Variants in DEPDC5 observed in about 807,000 individuals in gnomAD.
DEPDC5 encodes the protein DEP domain containing 5, GATOR1 subcomplex subunit, also known as GATOR1 complex protein DEPDC5.
In DEPDC5, 73 loss-of-function variants were observed where a neutral mutation model predicts 217.3. That is an observed-to-expected ratio of 0.34 (90% CI 0.28 to 0.41). The LOEUF (loss-of-function observed/expected upper bound fraction) is 0.41, where lower values mean the gene tolerates loss of function less well. DEPDC5 is among the 10% of genes least tolerant of loss of function. DEPDC5 has a pLI of 1.00. For missense variants in DEPDC5, 1,675 were observed against 2,070.1 expected (o/e 0.81, Z 3.70); for synonymous variants, 733 against 756.7 (o/e 0.97, Z 0.51).
At chr22:31,790,581 T>C (rs1482417518) in intron 10 of DEPDC5, among the ~76,000 whole-genome samples, 3 of 152,130 alleles carry the variant, frequency 2.0e-5, no homozygotes, top group African/African-American at 4.8e-5. Flanking sequence ...TCCACCACCA[T>C]GGGTGCTGTT....
At chr22:31,813,393 A>C (rs2088667517) in intron 20 of DEPDC5, among the ~76,000 whole-genome samples, 1 of 152,208 alleles carries the variant, frequency 6.6e-6, no homozygotes, top group South Asian at 2.1e-4. Context: ...AATTGGTGCT[A>C]CCTTCACACA....
intron 23 of DEPDC5, among the ~76,000 whole-genome samples, chr22:31,821,982 A>G (rs1163303317): frequency 6.6e-6 from 1 of 152,240 alleles, no homozygotes; most frequent in African/African-American, 2.4e-5. Flanking sequence ...CAGGAGATTC[A>G]TGCTGTGTGT....
chr22:31,862,275 T>A (rs540322930), intron 33 of DEPDC5, among the ~76,000 whole-genome samples: 2 of 150,988 alleles, frequency 1.3e-5, no homozygotes, highest in Non-Finnish European at 3.0e-5. Context: ...AATAAAAGAT[T>A]TGGACGAGGC....
chr22:31,818,516 T>A (rs764785959), intron 21 of DEPDC5, among the ~76,000 whole-genome samples: 17 of 152,216 alleles, frequency 1.1e-4, no homozygotes, highest in Admixed American at 9.8e-4. Flanking sequence ...TGGCCAGAAC[T>A]AAGTCATTTG....
At position 31,893,735 on chromosome 22, in the gene DEPDC5, C is replaced by T; in HGVS notation, c.4187C>T (p.Ala1396Val). 6.2e-7 allele frequency: 1 copy of T among 1,607,556 alleles called. No homozygotes were observed. ...IKLHWMAVTA[A>V]VLFEMVQGWH... is the part of the protein sequence containing the mutation. ...CTGCACTGGATGGCGGTGACCGCAG[C>T]AGTACTCTTCGAGATGGTGAGAACC... is the stretch of plus-strand genomic sequence containing the variant. Residue 1396 changes from alanine to valine, a missense_variant, in exon 39 of 43, where the codon GCA (alanine) becomes GTA (valine). Around this residue, in one of 11 missense-constraint regions of DEPDC5, gnomAD observed 182 missense variants for 290.1 expected, o/e 0.63. Coordinates refer to ENST00000651528, the MANE Select transcript of DEPDC5 (RefSeq NM_001242896.3).
At chr22:31,790,211 AC>A (rs2085457783) in intron 10 of DEPDC5, among the ~76,000 whole-genome samples, 1 of 152,162 alleles carries the variant, frequency 6.6e-6, no homozygotes, top group African/African-American at 2.4e-5. Context: ...CACTTGAGAT[AC>A]ATCCATGAAA....
At chr22:31,905,501 TC>T (rs1259878807) in intron 41 of DEPDC5, among the ~76,000 whole-genome samples, 1 of 151,308 alleles carries the variant, frequency 6.6e-6, no homozygotes, top group African/African-American at 2.4e-5. Context: ...ATAAGGACCT[TC>T]CCTGGAGGAA....
intron 7 of DEPDC5, among the ~76,000 whole-genome samples, chr22:31,770,791 C>CTTTTTTT (rs1156973076): frequency 1.7e-5 from 2 of 120,122 alleles, no homozygotes; most frequent in African/African-American, 3.2e-5. Context: ...ATCTACTTTT[C>CTTTTTTT]TTTTTTTTTT....
chr22:31,798,294 C>A (rs1054152159), intron 13 of DEPDC5, among the ~76,000 whole-genome samples: 2 of 152,070 alleles, frequency 1.3e-5, no homozygotes, highest in Non-Finnish European at 2.9e-5. Flanking sequence ...ACAAGGCAGG[C>A]GGATCACGAG....
intron 34 of DEPDC5, among the ~76,000 whole-genome samples, chr22:31,871,909 C>T (rs1359502575): frequency 6.6e-6 from 1 of 152,202 alleles, no homozygotes; most frequent in African/African-American, 2.4e-5. Flanking sequence ...AAGATGTTCA[C>T]ACAGATAGGA....
chr22:31,863,624 A>G (rs1284915079), intron 33 of DEPDC5, among the ~76,000 whole-genome samples: 1 of 152,232 alleles, frequency 6.6e-6, no homozygotes, highest in Non-Finnish European at 1.5e-5. Flanking sequence ...AGCCTGGACA[A>G]TATCGTAAAA....
chr22:31,800,669 TCTA>T (rs1198219402), intron 14 of DEPDC5, among the ~76,000 whole-genome samples: 1 of 151,962 alleles, frequency 6.6e-6, no homozygotes, highest in Non-Finnish European at 1.5e-5. Flanking sequence ...AAAATTAAAA[TCTA>T]CTTTAAAAAA....
intron 12 of DEPDC5, among the ~76,000 whole-genome samples, chr22:31,795,734 CT>C (rs966638640): frequency 1.5e-3 from 212 of 141,172 alleles, no homozygotes; most frequent in South Asian, 3.1e-3. Flanking sequence ...CTTTCATTTC[CT>C]TTTTTTTTTT....
intron 20 of DEPDC5, 35 bp from the exon 21 acceptor site, chr22:31,814,957 C>T (rs183299148): frequency 5.3e-5 from 86 of 1,610,430 alleles, no homozygotes; most frequent in East Asian, 1.3e-4. Context: ...CAGCATCCCT[C>T]GCTTGATGGT....
intron 14 of DEPDC5, among the ~76,000 whole-genome samples, chr22:31,800,451 G>T (rs2086751027): frequency 6.6e-6 from 1 of 152,086 alleles, no homozygotes; most frequent in Admixed American, 6.6e-5. Flanking sequence ...TTGGATGGTT[G>T]TAATGACCAA....
intron 32 of DEPDC5, 127 bp downstream of exon 32, chr22:31,857,680 C>T: frequency 1.4e-6 from 1 of 713,806 alleles, no homozygotes; most frequent in Non-Finnish European, 2.3e-6. Context: ...CTACCCTGAA[C>T]CCTTTAAAGG....
chr22:31,887,084 A>G (rs944706699), intron 38 of DEPDC5, among the ~76,000 whole-genome samples: 5 of 138,716 alleles, frequency 3.6e-5, no homozygotes, highest in South Asian at 2.2e-4. Flanking sequence ...TTCCATCTCG[A>G]AAAAAAAAAA....
chr22:31,891,903 C>T (rs1019266529), intron 38 of DEPDC5, among the ~76,000 whole-genome samples: 2 of 152,162 alleles, frequency 1.3e-5, no homozygotes, highest in Non-Finnish European at 2.9e-5. Context: ...TTGATTGACA[C>T]GTCTCTGAAA....
chr22:31,814,958 G>T lies in DEPDC5; in HGVS notation c.1446-34G>T, dbSNP rs774481170. ...AACTCAAGGTAGGACAGCATCCCTCGCTTGATGGTAACTTTTTGTCTCTTG... is the reference window on the plus strand; with the variant it reads ...AACTCAAGGTAGGACAGCATCCCTCTCTTGATGGTAACTTTTTGTCTCTTG... On this transcript the variant is annotated intron_variant, in intron 20 of 42. Coordinates refer to ENST00000651528, the MANE Select transcript of DEPDC5 (RefSeq NM_001242896.3). The T allele has an allele frequency of 5.6e-6, 9 of 1,611,152 alleles. 2 individuals are homozygous for T. In the South Asian group the frequency reaches 9.9e-5, roughly 18 times the overall value.
Sources: allele counts gnomAD v4.1 joint callset (sites outside exome capture counted in the v4.1 genomes callset), GRCh38; gene constraint gnomAD v4.1.1; regional missense constraint gnomAD v4.1.1; transcripts MANE v1.5; gene names NCBI Gene and HGNC (gene_info 2026-07-23, HGNC 2026-07-21).